The following EP300 variants were observed in gnomAD, a reference collection of about 807,000 sequenced individuals.
EP300 encodes EP300 lysine acetyltransferase, also known as histone acetyltransferase p300.
Under a neutral mutation model 264.0 loss-of-function variants are expected in EP300, and 31 were observed. The observed-to-expected ratio is 0.12, with a 90% confidence interval of 0.09 to 0.16. EP300 has a LOEUF of 0.16. EP300 is among the 10% of genes least tolerant of loss of function. EP300 has a pLI of 1.00. For missense variants in EP300, 2,766 were observed against 3,052.9 expected (o/e 0.91, Z 2.21); for synonymous variants, 1,340 against 1,045.4 (o/e 1.28, Z -5.44).
intron 1 of EP300, among the ~76,000 whole-genome samples, chr22:41,115,675 G>A (rs2058816937): frequency 2.6e-5 from 4 of 152,162 alleles, no homozygotes; most frequent in Non-Finnish European, 5.9e-5. Flanking sequence ...GCCTTCTAAA[G>A]TACTGAGATT....
rs148040990 is a variant in EP300, at chr22:41,176,970, C to T, written c.5259C>T (p.Cys1753=). The T allele has an allele frequency of 2.8e-4, 460 of 1,614,208 alleles. No homozygotes were observed. In the African/African-American group the frequency reaches 5.4e-3, roughly 19 times the overall value. The change falls in exon 31 of 31, where the codon TGC becomes TGT. Residue 1753 remains cysteine, a synonymous_variant. Coordinates refer to ENST00000263253, the MANE Select transcript of EP300 (RefSeq NM_001429.4). The part of the protein sequence containing the change: ...VHACQCRNAN[C]SLPSCQKMKR... Reference sequence around the variant, plus strand: ...CTTGCCAGTGTCGGAATGCCAATTGCTCACTGCCATCCTGCCAGAAGATGA... The same window carrying T: ...CTTGCCAGTGTCGGAATGCCAATTGTTCACTGCCATCCTGCCAGAAGATGA...
intron 10 of EP300, among the ~76,000 whole-genome samples, chr22:41,145,658 C>G (rs1022482158): frequency 6.6e-6 from 1 of 152,250 alleles, no homozygotes; most frequent in African/African-American, 2.4e-5. Context: ...GAGTCTCGCT[C>G]TGTCGCCCAG....
chr22:41,145,210 A>C (rs2059003902), intron 10 of EP300, among the ~76,000 whole-genome samples: 1 of 152,234 alleles, frequency 6.6e-6, no homozygotes, highest in Non-Finnish European at 1.5e-5. Context: ...GGAAAGGTTT[A>C]TCTCAAGGTC....
chr22:41,178,589 A>G lies in EP300; in HGVS notation c.6878A>G (p.His2293Arg). The G allele has an allele frequency of 6.2e-7, 1 of 1,613,850 alleles. No homozygotes were observed. The change falls in exon 31 of 31, where the codon CAC becomes CGC. Residue 2293 changes from histidine to arginine, a missense_variant. Coordinates refer to ENST00000263253, the MANE Select transcript of EP300 (RefSeq NM_001429.4). ...HMLPNQAQSP[H>R]LQGQQIPNSL... ...CTCCCAAATCAGGCCCAGTCCCCAC[A>G]CCTACAAGGCCAGCAGATCCCTAAT...
chr22:41,146,131 A>G (rs1399210288), intron 10 of EP300, among the ~76,000 whole-genome samples: 2 of 151,784 alleles, frequency 1.3e-5, no homozygotes, highest in Non-Finnish European at 2.9e-5. Context: ...AGACTTTGTT[A>G]AACAATAACA....
rs200548363 is a variant in EP300 at position 41,131,372 on chromosome 22, C to A, written c.1283-16C>A. ...CCAGCATTAATTTGTAATACTATATCTTTTGTCTTCTCTAGCAATTTTGAC... is the reference window on the plus strand; with the variant it reads ...CCAGCATTAATTTGTAATACTATATATTTTGTCTTCTCTAGCAATTTTGAC... On this transcript the variant is annotated splice_polypyrimidine_tract_variant and intron_variant, in intron 5 of 30. Coordinates refer to ENST00000263253, the MANE Select transcript of EP300 (RefSeq NM_001429.4). 6.2e-6 allele frequency: 10 copies of A among 1,612,742 alleles called. No homozygotes were observed. In the African/African-American group the frequency reaches 1.2e-4, roughly 19 times the overall value.
chr22:41,116,174 TATTTC>T (rs1307102684), intron 1 of EP300, among the ~76,000 whole-genome samples: 1 of 152,190 alleles, frequency 6.6e-6, no homozygotes, highest in Non-Finnish European at 1.5e-5. Context: ...AATAAAATTT[TATTTC>T]AACTATTATG....
chr22:41,116,355 A>G (rs955966355), intron 1 of EP300, among the ~76,000 whole-genome samples: 6 of 152,112 alleles, frequency 3.9e-5, no homozygotes, highest in Middle Eastern at 3.4e-3. Context: ...TCCTAATGCT[A>G]TCCTCTCCTA....
At chr22:41,113,887 A>C (rs1347397808) in intron 1 of EP300, among the ~76,000 whole-genome samples, 1 of 152,156 alleles carries the variant, frequency 6.6e-6, no homozygotes, top group Non-Finnish European at 1.5e-5. Flanking sequence ...AGGTTTTGAA[A>C]TATATTTTTT....
At chr22:41,144,095 C>G in intron 10 of EP300, among the ~76,000 whole-genome samples, 1 of 152,124 alleles carries the variant, frequency 6.6e-6, no homozygotes. Flanking sequence ...TCAGGAAAAG[C>G]TGATGACAGA....
chr22:41,141,018 C>T (rs1412343009), intron 9 of EP300, 30 bp from the exon 10 acceptor site: 4 of 1,602,496 alleles, frequency 2.5e-6, no homozygotes, highest in Admixed American at 1.7e-5. Flanking sequence ...TTTTCCTCAT[C>T]TCCCTTATTT....
chr22:41,103,095 C>T (rs575946683), intron 1 of EP300, among the ~76,000 whole-genome samples: 8 of 152,250 alleles, frequency 5.3e-5, no homozygotes, highest in African/African-American at 1.4e-4. Context: ...GTGATCTGCT[C>T]GCCTTGGCCT....
rs964933819 is a variant in EP300 at position 41,162,107 on chromosome 22, A to G, written c.3672-616A>G. Among the ~76,000 whole-genome samples, 6 of 152,298 alleles carry G rather than the reference A, an allele frequency of 3.9e-5. No individual in the cohort carries two copies. The South Asian group carries it at 6.2e-4, about 16-fold the overall frequency. On this transcript the variant is annotated intron_variant, in intron 20 of 30. Transcript: ENST00000263253. ...AGGCCTGTAGTGGATCCAAGTGTCTATTTCTAACTCCCAGATTGTTCTGGT... is the reference window on the plus strand; with the variant it reads ...AGGCCTGTAGTGGATCCAAGTGTCTGTTTCTAACTCCCAGATTGTTCTGGT...
chr22:41,177,919 G>A lies in EP300; in HGVS notation c.6208G>A (p.Val2070Met). ...SPSSPLQQQQ[V>M]LSILHANPQL... Reference sequence around the variant, plus strand: ...CAGCTCTCCCCTGCAGCAGCAACAGGTGCTTAGTATCCTTCACGCCAACCC... The same window carrying A: ...CAGCTCTCCCCTGCAGCAGCAACAGATGCTTAGTATCCTTCACGCCAACCC... Residue 2070 changes from valine to methionine, a missense_variant, in exon 31 of 31, where the codon GTG becomes ATG. Coordinates refer to ENST00000263253, the MANE Select transcript of EP300 (RefSeq NM_001429.4). The A allele has an allele frequency of 6.2e-7, 1 of 1,614,198 alleles. No individual in the cohort carries two copies. Among genetic ancestry groups the A allele is most frequent in the Non-Finnish European group, 8.5e-7 (1 of 1,180,014 alleles).
intron 14 of EP300, 151 bp downstream of exon 14, chr22:41,150,349 C>T (rs938910966): frequency 6.1e-6 from 6 of 980,750 alleles, no homozygotes; most frequent in Admixed American, 2.1e-5. Flanking sequence ...ACTTTTGTAT[C>T]CTGTTTTGCC....
chr22:41,151,714 A>T, intron 14 of EP300, 119 bp from the exon 15 acceptor site: 1 of 1,019,304 alleles, frequency 9.8e-7, no homozygotes, highest in Non-Finnish European at 1.5e-6. Flanking sequence ...CACCATGAAT[A>T]AATATAAGCC....
At chr22:41,123,672 G>A (rs2058864604) in intron 2 of EP300, among the ~76,000 whole-genome samples, 1 of 152,174 alleles carries the variant, frequency 6.6e-6, no homozygotes, top group Admixed American at 6.5e-5. Flanking sequence ...TATTCTGAGT[G>A]TTTGCTCAAT....
intron 6 of EP300, among the ~76,000 whole-genome samples, chr22:41,132,380 C>T (rs557087809): frequency 3.4e-5 from 5 of 147,936 alleles, no homozygotes; most frequent in East Asian, 4.2e-4. Flanking sequence ...CTCTGCCTCC[C>T]GGGTTCAAGC....
intron 26 of EP300, among the ~76,000 whole-genome samples, chr22:41,170,098 A>T (rs2059161316): frequency 1.3e-5 from 2 of 152,164 alleles, no homozygotes; most frequent in Admixed American, 1.3e-4. Context: ...TGTAATCTTC[A>T]TTTGGTCTTA....
Sources: allele counts gnomAD v4.1 joint callset (sites outside exome capture counted in the v4.1 genomes callset), GRCh38; gene constraint gnomAD v4.1.1; transcripts MANE v1.5; gene names NCBI Gene and HGNC (gene_info 2026-07-23, HGNC 2026-07-21).